Variants in KCNC2 observed in about 807,000 individuals in gnomAD.
The protein encoded by KCNC2 is voltage-gated potassium channel KCNC2.
A neutral mutation model predicts 44.5 loss-of-function variants in KCNC2; 21 were observed. That is an observed-to-expected ratio of 0.47 (90% CI 0.33 to 0.68). The LOEUF (loss-of-function observed/expected upper bound fraction) is 0.68, where lower values mean the gene tolerates loss of function less well. Among genes scored for constraint, KCNC2 ranks in the 30% least tolerant of loss-of-function variants. KCNC2 has a pLI of 0.01. For synonymous variants in KCNC2, 391 were observed against 339.1 expected, an observed-to-expected ratio of 1.15 and a Z score of -1.68; for missense variants, 589 against 826.2, an observed-to-expected ratio of 0.71 and a Z score of 3.52.
intron 2 of KCNC2, among the ~76,000 whole-genome samples, chr12:75,149,842 C>A (rs981527507): frequency 3.9e-5 from 6 of 151,912 alleles, no homozygotes; most frequent in African/African-American, 1.2e-4. Flanking sequence ...TTACTCAAAT[C>A]TTGGGCACTT....
intron 2 of KCNC2, among the ~76,000 whole-genome samples, chr12:75,084,752 C>T (rs1277537304): frequency 6.6e-6 from 1 of 151,802 alleles, no homozygotes; most frequent in Non-Finnish European, 1.5e-5. Context: ...AAGTAATGGC[C>T]TTTAGATAAA....
At chr12:75,136,424 G>T (rs1241650467) in intron 2 of KCNC2, among the ~76,000 whole-genome samples, 1 of 152,034 alleles carries the variant, frequency 6.6e-6, no homozygotes, top group East Asian at 1.9e-4. Context: ...AAAATTGATA[G>T]ACCACTAGCT....
chr12:75,144,447 C>T (rs1889871438), intron 2 of KCNC2, among the ~76,000 whole-genome samples: 1 of 152,082 alleles, frequency 6.6e-6, no homozygotes, highest in African/African-American at 2.4e-5. Context: ...CACTAGAACT[C>T]CAAAGTATGC....
chr12:75,051,352 G>T, intron 2 of KCNC2, 35 bp from the exon 3 acceptor site: 1 of 1,173,550 alleles, frequency 8.5e-7, no homozygotes, highest in Non-Finnish European at 1.2e-6. Flanking sequence ...AACCCATAGT[G>T]ATCTGAATCG....
intron 2 of KCNC2, among the ~76,000 whole-genome samples, chr12:75,075,446 A>AATATATATATAC (rs1490561271): frequency 2.9e-5 from 2 of 67,810 alleles, no homozygotes; most frequent in Admixed American, 4.0e-4. Flanking sequence ...TCAGGAGAGA[A>AATATATATATAC]ATATATATAT....
intron 2 of KCNC2, among the ~76,000 whole-genome samples, chr12:75,177,179 A>C (rs978694783): frequency 1.5e-4 from 23 of 151,630 alleles, no homozygotes; most frequent in Non-Finnish European, 3.1e-4. Flanking sequence ...TAGTGAAATA[A>C]AGTGAAACTT....
chr12:75,079,650 G>A (rs1884303374), intron 2 of KCNC2, among the ~76,000 whole-genome samples: 1 of 152,016 alleles, frequency 6.6e-6, no homozygotes, highest in Non-Finnish European at 1.5e-5. Context: ...CAAAAGGCCA[G>A]AATTCTAAGG....
chr12:75,144,087 C>A (rs532725667), intron 2 of KCNC2, among the ~76,000 whole-genome samples: 1 of 152,006 alleles, frequency 6.6e-6, no homozygotes, highest in East Asian at 1.9e-4. Context: ...CACTTGCCAC[C>A]AAAAGGGGAA....
At chr12:75,110,096 G>C (rs537236964) in intron 2 of KCNC2, among the ~76,000 whole-genome samples, 1 of 152,000 alleles carries the variant, frequency 6.6e-6, no homozygotes, top group South Asian at 2.1e-4. Context: ...GAAGGAAAAG[G>C]AACAGATGGA....
intron 2 of KCNC2, among the ~76,000 whole-genome samples, chr12:75,116,784 C>T (rs970310315): frequency 4.5e-4 from 68 of 152,144 alleles, no homozygotes; most frequent in African/African-American, 1.6e-3. Context: ...TTAACGGACA[C>T]CATATGCTGA....
chr12:75,194,015 T>G (rs1043806425), intron 2 of KCNC2, among the ~76,000 whole-genome samples: 4 of 152,022 alleles, frequency 2.6e-5, no homozygotes, highest in Non-Finnish European at 5.9e-5. Context: ...GACATTATAG[T>G]CATTAAGATA....
chr12:75,088,496 C>T (rs1365547637), intron 2 of KCNC2, among the ~76,000 whole-genome samples: 2 of 151,962 alleles, frequency 1.3e-5, no homozygotes, highest in Non-Finnish European at 2.9e-5. Flanking sequence ...TATGAACTGT[C>T]GTCCAAAATA....
Position 75,090,995 on chromosome 12 carries a change from C to T in KCNC2, c.688-39678G>A, listed in dbSNP as rs573683220. ...TAGGATTTTAATTACCTTCTCATTA[C>T]CTCTAAAAGCTACTGAGTGGCTGTT... is the stretch of plus-strand genomic sequence containing the variant. On this transcript the variant is annotated intron_variant, in intron 2 of 4. Transcript: ENST00000549446. Among the ~76,000 whole-genome samples, 313 of 151,868 alleles carry T rather than the reference C, an allele frequency of 2.1e-3. 1 individual carries two copies. The highest frequency in any genetic ancestry group is 7.1e-3 in the African/African-American group (295 of 41,506).
intron 2 of KCNC2, among the ~76,000 whole-genome samples, chr12:75,082,887 G>A (rs1884637636): frequency 6.6e-6 from 1 of 151,626 alleles, no homozygotes; most frequent in Non-Finnish European, 1.5e-5. Context: ...AGTCTGTACA[G>A]ATAGAGATAG....
chr12:75,137,133 C>A (rs1475125221), intron 2 of KCNC2, among the ~76,000 whole-genome samples: 3 of 152,106 alleles, frequency 2.0e-5, no homozygotes, highest in Non-Finnish European at 4.4e-5. Context: ...TCTCTTTTCT[C>A]TTCTCTTTGG....
intron 2 of KCNC2, among the ~76,000 whole-genome samples, chr12:75,058,935 C>T (rs1565817413): frequency 6.6e-6 from 1 of 152,124 alleles, no homozygotes; most frequent in East Asian, 1.9e-4. Context: ...TGGACATCTG[C>T]TCCTCTTTGC....
At chr12:75,097,346 A>C (rs1378063098) in intron 2 of KCNC2, among the ~76,000 whole-genome samples, 1 of 152,118 alleles carries the variant, frequency 6.6e-6, no homozygotes, top group East Asian at 1.9e-4. Flanking sequence ...TTATACATTT[A>C]TCAAAACCCA....
chr12:75,064,446 C>T (rs1882633068), intron 2 of KCNC2, among the ~76,000 whole-genome samples: 1 of 152,040 alleles, frequency 6.6e-6, no homozygotes, highest in East Asian at 1.9e-4. Context: ...ATTTTTACTT[C>T]CTTGGATTAC....
chr12:75,100,454 T>C, intron 2 of KCNC2, among the ~76,000 whole-genome samples: 1 of 152,072 alleles, frequency 6.6e-6, no homozygotes, highest in African/African-American at 2.4e-5. Context: ...TATCTGATTT[T>C]ATTGGATGAC....
Sources: gnomAD v4.1 joint callset for allele counts (sites outside exome capture counted in the v4.1 genomes callset) on GRCh38, gnomAD v4.1.1 for gene constraint, MANE v1.5 for transcripts, NCBI Gene and HGNC (gene_info 2026-07-23, HGNC 2026-07-21) for gene names.